POFUT2: variants seen among roughly 807,000 people sequenced by gnomAD.
POFUT2 encodes the protein GDP-fucose protein O-fucosyltransferase 2.
A neutral mutation model predicts 55.0 loss-of-function variants in POFUT2; 30 were observed. That is an observed-to-expected ratio of 0.55 (90% confidence interval 0.41 to 0.74). The LOEUF (loss-of-function observed/expected upper bound fraction) is 0.74. Among genes scored for constraint, POFUT2 ranks in the 30% least tolerant of loss-of-function variants. The pLI, the probability that POFUT2 is intolerant of heterozygous loss-of-function variation, is 0.00. For synonymous variants in POFUT2, 267 were observed against 231.1 expected (o/e 1.16, Z -1.41); for missense variants, 524 against 562.6 (o/e 0.93, Z 0.69).
chr21:45,283,677 C>A, intron 2 of POFUT2, 150 bp from the exon 3 acceptor site: 5 of 799,980 alleles, frequency 6.3e-6, no homozygotes, highest in Non-Finnish European at 8.1e-6. Context: ...AGAGACAGGG[C>A]AGAGCACATG....
In POFUT2 at chr21:45,285,955, G is replaced by A. The variant is rs1263739451; in HGVS notation, c.132-27C>T. 9 of 1,577,970 alleles carry A rather than the reference G, an allele frequency of 5.7e-6. No individual in the cohort carries two copies. The highest frequency in any genetic ancestry group is 7.7e-6 in the Non-Finnish European group (9 of 1,162,044). On this transcript the variant is annotated intron_variant, in intron 1 of 8. Transcript: ENST00000349485. This position sits in a 1 kb window ranked among gnomAD's most constrained non-coding sequence, Gnocchi z 4.9. ...TGAGCAGGGAGAAGGAGGACCACAGGTCTCAAATGCTGAGGTTTCTGCACG... is the reference window on the plus strand; with the variant it reads ...TGAGCAGGGAGAAGGAGGACCACAGATCTCAAATGCTGAGGTTTCTGCACG...
In POFUT2 at chr21:45,283,934, C is replaced by T. The variant is rs139118438; in HGVS notation, c.383-407G>A. 7.9e-3 allele frequency among the ~76,000 whole-genome samples: 1,208 copies of T among 152,290 alleles called. 10 individuals carry two copies. Among genetic ancestry groups the T allele is most frequent in the African/African-American group, 0.012 (514 of 41,564 alleles). On this transcript the variant is annotated intron_variant, in intron 2 of 8. Coordinates refer to ENST00000349485, the MANE Select transcript of POFUT2 (RefSeq NM_133635.6). ...CCCCTACCCCCCTGGTTTCCCACAG[C>T]GCTCCTCACCCCCTCGGCCACCATC... is the stretch of plus-strand genomic sequence containing the variant.
At position 45,267,170 on chromosome 21, in the gene POFUT2, A is replaced by G; in HGVS notation, c.1136+420T>C. 1 of 1,307,492 alleles carries G rather than the reference A, an allele frequency of 7.6e-7. No homozygotes were observed. Among genetic ancestry groups the G allele is most frequent in the Non-Finnish European group, 9.8e-7 (1 of 1,021,796 alleles). The allele number at this position is 1,307,492 out of a possible 1,614,324, so 81.0% of individuals were successfully genotyped here. On this transcript the variant is annotated intron_variant, in intron 8 of 8. Coordinates refer to ENST00000349485, the MANE Select transcript of POFUT2 (RefSeq NM_133635.6). This position sits in a 1 kb window ranked among gnomAD's most constrained non-coding sequence, Gnocchi z 4.4. ...ATGGCAGCCCCACGAGAATGATCAC[A>G]CGAGGGCCCACGCTCCCGGCCTCGG...
At position 45,265,824 on chromosome 21, in the gene POFUT2, A is replaced by G. The variant is rs2093148668; in HGVS notation, c.1137-189T>C. 2 of 1,406,520 alleles carry G rather than the reference A, an allele frequency of 1.4e-6. No individual in the cohort carries two copies. Among genetic ancestry groups the G allele is most frequent in the South Asian group, 3.0e-5 (2 of 66,592 alleles). The allele number at this position is 1,406,520 out of a possible 1,614,324, so 87.1% of individuals were successfully genotyped here. A position where few individuals can be genotyped will look rare whatever the true frequency, so the allele number is the denominator to read the frequency against. On this transcript the variant is annotated intron_variant, in intron 8 of 8. Coordinates refer to ENST00000349485, the MANE Select transcript of POFUT2 (RefSeq NM_133635.6). This position sits in a 1 kb window ranked among gnomAD's most constrained non-coding sequence, Gnocchi z 4.6. ...GGCACCCCTCGCTCAGGTGCCCTCG[A>G]CATCGGCGCCCTGAGGGGCTCTGCC... is the stretch of plus-strand genomic sequence containing the variant.
intron 6 of POFUT2, among the ~76,000 whole-genome samples, chr21:45,271,855 T>A (rs2093221928): frequency 6.6e-6 from 1 of 152,138 alleles, no homozygotes; most frequent in Non-Finnish European, 1.5e-5. Context: ...GCTGAGAGAA[T>A]TCACCACTCC....
Position 45,270,071 on chromosome 21 carries a change from C to T in POFUT2, c.832-52G>A. ...GAAGCTGACAGGCGGGCTCGGGGCT[C>T]ATCCTGGGCACCGGGTGGGACTCGA... On this transcript the variant is annotated intron_variant, in intron 6 of 8. Coordinates refer to ENST00000349485, the MANE Select transcript of POFUT2 (RefSeq NM_133635.6). The surrounding 1 kb of genome is among the most constrained non-coding windows in gnomAD (Gnocchi z 4.6). 7.0e-7 allele frequency: 1 copy of T among 1,432,578 alleles called. No individual in the cohort carries two copies. Among genetic ancestry groups the T allele is most frequent in the Non-Finnish European group, 9.2e-7 (1 of 1,083,264 alleles). 88.7% of individuals were successfully genotyped at this position (1,432,578 alleles called of 1,614,324 possible).
chr21:45,266,345 G>A (rs1249728965), intron 8 of POFUT2: 5 of 1,335,220 alleles, frequency 3.7e-6, no homozygotes, highest in Middle Eastern at 2.1e-4. Flanking sequence ...GCGGGGTGCA[G>A]CACTGGTGGG....
At chr21:45,268,311 G>A (rs1440395405) in intron 7 of POFUT2, among the ~76,000 whole-genome samples, 1 of 152,226 alleles carries the variant, frequency 6.6e-6, no homozygotes, top group Non-Finnish European at 1.5e-5. Flanking sequence ...CTGGAGTGCA[G>A]TGGCGTGATC....
chr21:45,267,205 C>T lies in POFUT2; in HGVS notation c.1136+385G>A, dbSNP rs1327952918. 28 of 1,389,940 alleles carry T rather than the reference C, an allele frequency of 2.0e-5. No homozygotes were observed. Among genetic ancestry groups the T allele is most frequent in the Non-Finnish European group, 2.5e-5 (27 of 1,072,872 alleles). 86.1% of individuals were successfully genotyped at this position (1,389,940 alleles called of 1,614,324 possible). A position where few individuals can be genotyped will look rare whatever the true frequency, so the allele number is the denominator to read the frequency against. On this transcript the variant is annotated intron_variant, in intron 8 of 8. Transcript: ENST00000349485. The surrounding 1 kb of genome is among the most constrained non-coding windows in gnomAD (Gnocchi z 4.4). ...ACGCTCCCGGCCTCGGGGACGCTCA[C>T]GGATGCTCAACAACACAGCAACAAG...
In POFUT2 at chr21:45,282,655, G is replaced by C; in HGVS notation, c.528-196C>G. 1 of 601,646 alleles carries C rather than the reference G, an allele frequency of 1.7e-6. No homozygotes were observed. Among genetic ancestry groups the C allele is most frequent in the Non-Finnish European group, 3.0e-6 (1 of 333,246 alleles). 37.3% of individuals were successfully genotyped at this position (601,646 alleles called of 1,614,324 possible). A position where few individuals can be genotyped will look rare whatever the true frequency, so the allele number is the denominator to read the frequency against. On this transcript the variant is annotated intron_variant, in intron 3 of 8. Transcript: ENST00000349485. This position sits in a 1 kb window ranked among gnomAD's most constrained non-coding sequence, Gnocchi z 4.6. ...GAAGCCCATGAGTGTCTCTCAGGCT[G>C]ATGGACCACTGAGGCTTTCCCCATG...
In POFUT2 at chr21:45,281,630, G is replaced by A. The variant is rs114316344; in HGVS notation, c.638+719C>T. Among the ~76,000 whole-genome samples the A allele has an allele frequency of 0.019, 2,889 of 152,138 alleles. 91 individuals carry two copies. Among genetic ancestry groups the A allele is most frequent in the African/African-American group, 0.066 (2,748 of 41,482 alleles). On this transcript the variant is annotated intron_variant, in intron 4 of 8. Transcript: ENST00000349485. This position sits in a 1 kb window ranked among gnomAD's most constrained non-coding sequence, Gnocchi z 5.0. The stretch of plus-strand genomic sequence containing the variant: ...GCCTCTAGAGGCACACACAGGGCAC[G>A]ACAGCAGACAAGGCAGCCTCAACGT...
At chr21:45,272,588 C>G (rs114126787) in intron 6 of POFUT2, among the ~76,000 whole-genome samples, 2,738 of 152,288 alleles carry the variant, frequency 0.018, 41 homozygotes, top group Middle Eastern at 0.031. Context: ...TACGCAACAG[C>G]TGCAGAATAT....
chr21:45,274,471 A>G (rs1235607493), intron 6 of POFUT2, among the ~76,000 whole-genome samples: 1 of 152,230 alleles, frequency 6.6e-6, no homozygotes, highest in Admixed American at 6.5e-5. Flanking sequence ...CCTAAAATTC[A>G]TATGGAACCA....
chr21:45,283,222 C>G, intron 3 of POFUT2, 161 bp downstream of exon 3: 1 of 423,872 alleles, frequency 2.4e-6, no homozygotes, highest in South Asian at 2.1e-5. Flanking sequence ...GGGGTGAAGA[C>G]ACCGTGGCGG....
At position 45,281,752 on chromosome 21, in the gene POFUT2, C is replaced by G. The variant is rs544204084; in HGVS notation, c.638+597G>C. Among the ~76,000 whole-genome samples the G allele has an allele frequency of 6.6e-6, 1 of 151,940 alleles. No individual in the cohort carries two copies. Among genetic ancestry groups the G allele is most frequent in the Non-Finnish European group, 1.5e-5 (1 of 68,000 alleles). On this transcript the variant is annotated intron_variant, in intron 4 of 8. Transcript: ENST00000349485. This position sits in a 1 kb window ranked among gnomAD's most constrained non-coding sequence, Gnocchi z 5.0. ...GATTCAGAAGACCCAAGGGAGGTGA[C>G]GGAGAGGGTCCCAGTCTGCAGCAAG...
rs1195495042 is a variant in POFUT2, at chr21:45,282,900, A to G, written c.528-441T>C. ...GAGGCCTGGTAGTGTCAGAGCCTTT[A>G]ATGGCAATCGACACTTGGGACTGAC... On this transcript the variant is annotated intron_variant, in intron 3 of 8. Transcript: ENST00000349485. This position sits in a 1 kb window ranked among gnomAD's most constrained non-coding sequence, Gnocchi z 4.6. The G allele has an allele frequency of 2.1e-6, 1 of 474,994 alleles. No individual in the cohort carries two copies. The highest frequency in any genetic ancestry group is 4.3e-6 in the Non-Finnish European group (1 of 230,044). The allele number at this position is 474,994 out of a possible 1,614,324, so 29.4% of individuals were successfully genotyped here. A position where few individuals can be genotyped will look rare whatever the true frequency, so the allele number is the denominator to read the frequency against.
Position 45,285,572 on chromosome 21 carries a change from G to T in POFUT2, c.382+106C>A. On this transcript the variant is annotated intron_variant, in intron 2 of 8. Transcript: ENST00000349485. This position sits in a 1 kb window ranked among gnomAD's most constrained non-coding sequence, Gnocchi z 4.9. ...GCAGCACTGGGCACTGGAGGATGCTGGTGAGGCTGGATGCAATCGTAAGCC... is the reference window on the plus strand; with the variant it reads ...GCAGCACTGGGCACTGGAGGATGCTTGTGAGGCTGGATGCAATCGTAAGCC... 7.2e-7 allele frequency: 1 copy of T among 1,387,172 alleles called. No individual in the cohort carries two copies. Among genetic ancestry groups the T allele is most frequent in the Non-Finnish European group, 1.0e-6 (1 of 989,838 alleles). 85.9% of individuals were successfully genotyped at this position (1,387,172 alleles called of 1,614,324 possible). A position where few individuals can be genotyped will look rare whatever the true frequency, so the allele number is the denominator to read the frequency against.
intron 6 of POFUT2, among the ~76,000 whole-genome samples, chr21:45,272,610 G>A (rs554933860): frequency 1.3e-5 from 2 of 152,204 alleles, no homozygotes; most frequent in African/African-American, 4.8e-5. Flanking sequence ...CATTCTGTTC[G>A]TAAGCATATG....
Position 45,264,968 on chromosome 21 carries a change from G to C in POFUT2, c.*514C>G, listed in dbSNP as rs756764987. 9.0e-4 allele frequency: 138 copies of C among 152,968 alleles called. No homozygotes were observed. Among genetic ancestry groups the C allele is most frequent in the Non-Finnish European group, 1.5e-3 (101 of 68,482 alleles). The allele number at this position is 152,968 out of a possible 1,614,324, so 9.5% of individuals were successfully genotyped here. ...GGAGGAAACACACAGGCAGCCTCCT[G>C]CTGCGCGGAGGGCAACGGAGAGATT... On this transcript the variant is annotated 3_prime_UTR_variant, in exon 9 of 9. Coordinates refer to ENST00000349485, the MANE Select transcript of POFUT2 (RefSeq NM_133635.6).
Sources: gnomAD v4.1 joint callset for allele counts (sites outside exome capture counted in the v4.1 genomes callset) on GRCh38, gnomAD v4.1.1 for gene constraint, Gnocchi (gnomAD v3.1) non-coding constraint, MANE v1.5 for transcripts, NCBI Gene and HGNC (gene_info 2026-07-23, HGNC 2026-07-21) for gene names.